Variants in NCOA1 observed in about 807,000 individuals in gnomAD.
NCOA1 encodes the protein Hin-2 protein.
Under a neutral mutation model 150.9 loss-of-function variants are expected in NCOA1, and 35 were observed. The observed-to-expected ratio is 0.23, with a 90% confidence interval of 0.18 to 0.31. NCOA1 has a LOEUF of 0.31. NCOA1 is among the 10% of genes least tolerant of loss of function. The pLI is 1.00. For synonymous variants in NCOA1, 590 were observed against 630.0 expected (o/e 0.94, Z 0.95); for missense variants, 1,491 against 1,749.3 (o/e 0.85, Z 2.63).
chr2:24,639,514 C>G (rs1572526596), intron 3 of NCOA1, among the ~76,000 whole-genome samples: 1 of 151,748 alleles, frequency 6.6e-6, no homozygotes, highest in Middle Eastern at 3.4e-3. Flanking sequence ...TTTCAGTTGT[C>G]CATATTTATT....
chr2:24,589,169 C>G (rs941929993), intron 3 of NCOA1, among the ~76,000 whole-genome samples: 4 of 152,152 alleles, frequency 2.6e-5, no homozygotes, highest in Admixed American at 2.6e-4. Flanking sequence ...TATCTACTGT[C>G]TTTTCTGGTT....
intron 8 of NCOA1, among the ~76,000 whole-genome samples, chr2:24,685,138 A>G (rs1268594106): frequency 2.0e-5 from 3 of 152,100 alleles, no homozygotes; most frequent in Non-Finnish European, 4.4e-5. Flanking sequence ...TCACATATAC[A>G]TGATTCAAAG....
intron 3 of NCOA1, among the ~76,000 whole-genome samples, chr2:24,607,333 T>G (rs191148675): frequency 1.6e-4 from 25 of 152,090 alleles, no homozygotes; most frequent in Admixed American, 1.6e-3. Context: ...TTGTGTTTTA[T>G]GTACTGTTTT....
At chr2:24,711,375 A>C (rs1260720863) in intron 14 of NCOA1, 1 of 274,438 alleles carries the variant, frequency 3.6e-6, no homozygotes, top group African/African-American at 2.2e-5. Context: ...TCTCACCCAA[A>C]ACACCCCATA....
At chr2:24,663,190 C>A (rs1671264147) in intron 5 of NCOA1, among the ~76,000 whole-genome samples, 1 of 152,102 alleles carries the variant, frequency 6.6e-6, no homozygotes, top group Admixed American at 6.6e-5. Flanking sequence ...TGTTTCTTAT[C>A]TATAGTTTAG....
At chr2:24,655,932 C>T (rs966590344) in intron 4 of NCOA1, among the ~76,000 whole-genome samples, 11 of 151,008 alleles carry the variant, frequency 7.3e-5, no homozygotes, top group African/African-American at 2.7e-4. Flanking sequence ...ACTAAAAATA[C>T]AAAAAATTAG....
At chr2:24,701,864 G>A (rs1393544153) in intron 11 of NCOA1, among the ~76,000 whole-genome samples, 1 of 152,180 alleles carries the variant, frequency 6.6e-6, no homozygotes, top group Non-Finnish European at 1.5e-5. Context: ...ACAAAAATTA[G>A]CCAGGCGTGG....
chr2:24,666,195 T>C (rs1329492840), intron 6 of NCOA1, among the ~76,000 whole-genome samples: 1 of 151,724 alleles, frequency 6.6e-6, no homozygotes, highest in Non-Finnish European at 1.5e-5. Flanking sequence ...TGTATTTTTT[T>C]AGTAGAGACG....
intron 7 of NCOA1, among the ~76,000 whole-genome samples, chr2:24,675,531 A>C (rs1319795753): frequency 6.6e-6 from 1 of 152,214 alleles, no homozygotes; most frequent in East Asian, 1.9e-4. Context: ...AGTGGGGAAG[A>C]AAATTTCCCA....
chr2:24,658,106 A>G (rs1254251361), intron 4 of NCOA1, among the ~76,000 whole-genome samples: 1 of 152,242 alleles, frequency 6.6e-6, no homozygotes, highest in Admixed American at 6.5e-5. Context: ...GCCTGACTAC[A>G]TAAACAAAAG....
chr2:24,601,793 C>T (rs1053227910), intron 3 of NCOA1, among the ~76,000 whole-genome samples: 1 of 151,852 alleles, frequency 6.6e-6, no homozygotes, highest in Non-Finnish European at 1.5e-5. Flanking sequence ...CCACCACACC[C>T]GGCTAATTTG....
intron 3 of NCOA1, among the ~76,000 whole-genome samples, chr2:24,594,698 T>G (rs972344373): frequency 1.3e-5 from 2 of 152,148 alleles, no homozygotes; most frequent in Non-Finnish European, 2.9e-5. Context: ...TTCTCTATGA[T>G]AAGTCAGCCC....
At chr2:24,671,341 G>A (rs900177333) in intron 6 of NCOA1, among the ~76,000 whole-genome samples, 1 of 152,014 alleles carries the variant, frequency 6.6e-6, no homozygotes, top group South Asian at 2.1e-4. Context: ...TAAAATCTGA[G>A]TATGCTCAAG....
At position 24,697,697 on chromosome 2, in the gene NCOA1, C is replaced by T; in HGVS notation, c.848C>T (p.Ala283Val). 6.2e-7 allele frequency: 1 copy of T among 1,613,072 alleles called. No homozygotes were observed. Among genetic ancestry groups the T allele is most frequent in the East Asian group, 2.2e-5 (1 of 44,858 alleles). The change falls in exon 11 of 23, where the codon GCT becomes GTT. Residue 283 changes from alanine (A) to valine (V), a missense_variant. Transcript: ENST00000348332. ...ISIDTSSLRA[A>V]GRTGWEDLVR... ...ATTGATACTAGTTCCCTGAGAGCTG[C>T]TGGCAGAACTGGTTGGGAAGATTTA...
At chr2:24,736,954 T>C (rs1261925375) in intron 17 of NCOA1, among the ~76,000 whole-genome samples, 1 of 152,184 alleles carries the variant, frequency 6.6e-6, no homozygotes, top group Admixed American at 6.5e-5. Context: ...AGAAAATCCA[T>C]TCCGGCAGAC....
At chr2:24,698,036 C>G (rs1464870519) in intron 11 of NCOA1, among the ~76,000 whole-genome samples, 1 of 152,096 alleles carries the variant, frequency 6.6e-6, no homozygotes, top group Non-Finnish European at 1.5e-5. Context: ...TTCATTCATT[C>G]ATTCAGCAGG....
intron 1 of NCOA1, among the ~76,000 whole-genome samples, chr2:24,495,982 A>G (rs1200426194): frequency 1.3e-5 from 2 of 152,070 alleles, no homozygotes; most frequent in African/African-American, 4.8e-5. Flanking sequence ...TAATTTCTCA[A>G]ATTTTTTCCT....
intron 2 of NCOA1, among the ~76,000 whole-genome samples, chr2:24,565,025 G>A (rs1316821042): frequency 6.6e-6 from 1 of 152,066 alleles, no homozygotes; most frequent in Non-Finnish European, 1.5e-5. Context: ...CTATTCACCA[G>A]TATGTGTCAC....
chr2:24,500,599 A>G (rs967152564), intron 1 of NCOA1, among the ~76,000 whole-genome samples: 2 of 152,218 alleles, frequency 1.3e-5, no homozygotes, highest in Non-Finnish European at 2.9e-5. Context: ...ACTTATGCAG[A>G]TCTTTTTAAT....
Sources: allele counts gnomAD v4.1 joint callset (sites outside exome capture counted in the v4.1 genomes callset), GRCh38; gene constraint gnomAD v4.1.1; transcripts MANE v1.5; gene names NCBI Gene and HGNC (gene_info 2026-07-23, HGNC 2026-07-21).